HDAC9: variants seen among roughly 807,000 people sequenced by gnomAD.
The protein encoded by HDAC9 is histone deacetylase 9.
In HDAC9, 41 loss-of-function variants were observed where a neutral mutation model predicts 139.4. The ratio of observed to expected loss-of-function variants is 0.29; its 90% CI spans 0.23 to 0.38. The LOEUF is 0.38. Among genes scored for constraint, HDAC9 ranks in the 10% least tolerant of loss-of-function variants. The pLI is 1.00. For missense variants in HDAC9, 1,147 were observed against 1,297.0 expected (o/e 0.88, Z 1.78); for synonymous variants, 517 against 476.2 (o/e 1.09, Z -1.12).
At chr7:18,292,027 T>C (rs28690309) in intron 1 of HDAC9, among the ~76,000 whole-genome samples, 3,606 of 152,228 alleles carry the variant, frequency 0.024, 142 homozygotes, top group African/African-American at 0.082. Context: ...GTTGCTCAGA[T>C]ACTTTTTTCA....
chr7:18,981,851 G>A (rs1315392184), intron 25 of HDAC9, among the ~76,000 whole-genome samples: 2 of 152,170 alleles, frequency 1.3e-5, no homozygotes, highest in East Asian at 3.9e-4. Context: ...GATAGCTTTG[G>A]GGACTATTAT....
At chr7:18,256,757 G>T (rs1353413716) in intron 2 of HDAC9, among the ~76,000 whole-genome samples, 1 of 152,064 alleles carries the variant, frequency 6.6e-6, no homozygotes, top group Non-Finnish European at 1.5e-5. Flanking sequence ...TAGTTCCATT[G>T]CTCTCTTATT....
At chr7:18,916,020 T>TG (rs1563053005) in intron 22 of HDAC9, among the ~76,000 whole-genome samples, 1 of 25,138 alleles carries the variant, frequency 4.0e-5, no homozygotes, top group Admixed American at 6.8e-4. Context: ...CACCCCCCGC[T>TG]GGAAAAAAAA....
At chr7:18,312,710 T>A (rs754476693) in intron 1 of HDAC9, among the ~76,000 whole-genome samples, 1 of 152,096 alleles carries the variant, frequency 6.6e-6, no homozygotes, top group Non-Finnish European at 1.5e-5. Flanking sequence ...TTAGGTCAGG[T>A]TTGTGTCAGG....
At chr7:18,564,776 TA>T (rs1821744458) in intron 2 of HDAC9, among the ~76,000 whole-genome samples, 1 of 151,984 alleles carries the variant, frequency 6.6e-6, no homozygotes, top group African/African-American at 2.4e-5. Context: ...ATTTCAATTT[TA>T]TACCTTTTTA....
intron 12 of HDAC9, among the ~76,000 whole-genome samples, chr7:18,721,841 C>CA (rs1357269225): frequency 6.6e-6 from 1 of 152,178 alleles, no homozygotes; most frequent in Admixed American, 6.5e-5. Flanking sequence ...TCTCCATTAG[C>CA]AGGCCACCCC....
chr7:18,226,409 C>T (rs1309876014), intron 2 of HDAC9, among the ~76,000 whole-genome samples: 2 of 151,564 alleles, frequency 1.3e-5, no homozygotes, highest in Admixed American at 6.6e-5. Flanking sequence ...GGTGAGCTAA[C>T]TCCCAGGAAA....
chr7:18,641,766 G>A (rs1785669627), intron 8 of HDAC9, among the ~76,000 whole-genome samples: 1 of 151,998 alleles, frequency 6.6e-6, no homozygotes, highest in Non-Finnish European at 1.5e-5. Flanking sequence ...AGGTGGGATG[G>A]TCTTCCAGCC....
chr7:18,828,382 G>A (rs923619686), intron 17 of HDAC9, among the ~76,000 whole-genome samples: 2 of 152,182 alleles, frequency 1.3e-5, no homozygotes, highest in African/African-American at 4.8e-5. Flanking sequence ...GGCTTTGCAA[G>A]GATTTATAGT....
At chr7:18,487,930 C>A (rs760147269) in intron 1 of HDAC9, among the ~76,000 whole-genome samples, 10 of 151,968 alleles carry the variant, frequency 6.6e-5, no homozygotes, top group Non-Finnish European at 1.2e-4. Context: ...TCACAGCTCT[C>A]AAATGTGGTA....
At chr7:18,474,302 A>T (rs1029180994) in intron 1 of HDAC9, among the ~76,000 whole-genome samples, 2 of 152,180 alleles carry the variant, frequency 1.3e-5, no homozygotes, top group African/African-American at 2.4e-5. Context: ...TGTCTAGAAA[A>T]ATGTTTAACA....
intron 2 of HDAC9, among the ~76,000 whole-genome samples, chr7:18,202,928 A>G (rs1791244420): frequency 6.6e-6 from 1 of 152,238 alleles, no homozygotes; most frequent in Non-Finnish European, 1.5e-5. Flanking sequence ...CACAATGGGC[A>G]TACTAATTAA....
At chr7:18,916,241 T>C (rs184817350) in intron 22 of HDAC9, among the ~76,000 whole-genome samples, 2 of 152,060 alleles carry the variant, frequency 1.3e-5, no homozygotes, top group East Asian at 3.9e-4. Context: ...TCTTGGAGCA[T>C]TGAAGAGAGT....
intron 12 of HDAC9, among the ~76,000 whole-genome samples, chr7:18,706,929 G>A (rs879826944): frequency 6.6e-6 from 1 of 152,188 alleles, no homozygotes; most frequent in Non-Finnish European, 1.5e-5. Flanking sequence ...CCAAGTGTAT[G>A]GCTGAGAGAC....
chr7:18,332,660 T>C (rs944264669), intron 1 of HDAC9, among the ~76,000 whole-genome samples: 5 of 151,780 alleles, frequency 3.3e-5, no homozygotes, highest in Admixed American at 3.3e-4. Context: ...TTTCAATTAA[T>C]GCATTTCTAA....
intron 22 of HDAC9, among the ~76,000 whole-genome samples, chr7:18,896,975 G>C (rs906184165): frequency 1.3e-5 from 2 of 151,816 alleles, no homozygotes. Flanking sequence ...AGAAAAATAA[G>C]GTGTTTTGAA....
chr7:18,173,260 A>G (rs946991662), intron 2 of HDAC9, among the ~76,000 whole-genome samples: 2 of 152,120 alleles, frequency 1.3e-5, no homozygotes, highest in African/African-American at 4.8e-5. Flanking sequence ...TTTATCAGAG[A>G]CTAGGATTGC....
intron 1 of HDAC9, among the ~76,000 whole-genome samples, chr7:18,350,883 GC>G (rs1162278096): frequency 6.6e-6 from 1 of 152,176 alleles, no homozygotes; most frequent in Non-Finnish European, 1.5e-5. Context: ...TTACTGAGCT[GC>G]TTTCCCAGGG....
chr7:18,466,018 G>A (rs1033282576), intron 1 of HDAC9, among the ~76,000 whole-genome samples: 1 of 152,186 alleles, frequency 6.6e-6, no homozygotes, highest in East Asian at 1.9e-4. Context: ...AGTATTAGTG[G>A]GGCACATTGG....
Sources: allele counts gnomAD v4.1 joint callset (sites outside exome capture counted in the v4.1 genomes callset), GRCh38; gene constraint gnomAD v4.1.1; transcripts MANE v1.5; gene names NCBI Gene and HGNC (gene_info 2026-07-23, HGNC 2026-07-21).